Variants in EPHA8 observed in about 807,000 individuals in gnomAD.
EPHA8 encodes EPH receptor A8.
In EPHA8, 58 loss-of-function variants were observed where a neutral mutation model predicts 103.6. That is an observed-to-expected ratio of 0.56 (90% CI 0.45 to 0.70). The LOEUF (loss-of-function observed/expected upper bound fraction) is 0.70. EPHA8 is among the 30% of genes least tolerant of loss of function. The pLI is 0.00. For synonymous variants in EPHA8, 559 were observed against 572.5 expected (o/e 0.98, Z 0.34); for missense variants, 1,304 against 1,395.2 (o/e 0.93, Z 1.04).
At chr1:22,578,819 A>ATGTGCATGCCTGTGTGTATATGCATG in intron 3 of EPHA8, among the ~76,000 whole-genome samples, 1 of 147,412 alleles carries the variant, frequency 6.8e-6, no homozygotes, top group African/African-American at 2.5e-5. Context: ...GTATGTGTAC[A>ATGTGCATGCCTGTGTGTATATGCATG]TGTGCATGCC....
rs1640696122 is a variant in EPHA8, at chr1:22,576,387, C to T, written c.330C>T (p.Ser110=). 8 of 1,613,814 alleles carry T rather than the reference C, an allele frequency of 5.0e-6. No individual in the cohort carries two copies. The highest frequency in any genetic ancestry group is 5.1e-6 in the Non-Finnish European group (6 of 1,180,040). ...EIKFTLRDCN[S]MPGVLGTCKE... is the part of the protein sequence containing the mutation. ...AGTTTACCCTGCGCGACTGCAACAG[C>T]ATGCCTGGTGTGCTGGGCACCTGCA... is the stretch of plus-strand genomic sequence containing the variant. Residue 110 remains serine (S), a synonymous_variant, in exon 3 of 17, where the codon AGC becomes AGT. Transcript: ENST00000166244. This position sits in a 1 kb window ranked among gnomAD's most constrained non-coding sequence, Gnocchi z 4.8.
At chr1:22,581,848 G>C (rs1641055659) in intron 3 of EPHA8, among the ~76,000 whole-genome samples, 1 of 152,214 alleles carries the variant, frequency 6.6e-6, no homozygotes, top group African/African-American at 2.4e-5. Context: ...GGAACGGAAA[G>C]CCCGTTTTAA....
At chr1:22,588,193 T>C (rs1437103778) in intron 4 of EPHA8, among the ~76,000 whole-genome samples, 1 of 152,236 alleles carries the variant, frequency 6.6e-6, no homozygotes, top group Admixed American at 6.5e-5. Flanking sequence ...TTCTGAGAAC[T>C]GGAATTCTGA....
Position 22,576,631 on chromosome 1 carries a change from C to T in EPHA8, c.574C>T (p.Leu192=). ...GGCCTTCCAGGACATAGGTGCCTGC[C>T]TGGCCATCCTCTCTCTCCGCATCTA... The part of the protein sequence containing the change: ...YLAFQDIGAC[L]AILSLRIYYK... The change falls in exon 3 of 17, where the codon CTG becomes TTG. Residue 192 remains leucine (L), a synonymous_variant. Transcript: ENST00000166244. This position sits in a 1 kb window ranked among gnomAD's most constrained non-coding sequence, Gnocchi z 4.8. The T allele has an allele frequency of 6.2e-7, 1 of 1,613,886 alleles. No individual in the cohort carries two copies. Among genetic ancestry groups the T allele is most frequent in the East Asian group, 2.2e-5 (1 of 44,880 alleles).
Position 22,599,016 on chromosome 1 carries a change from A to G in EPHA8, c.2357A>G (p.Glu786Gly). ...VSDFGLSRVLEDDPDAAYTTT... is the reference protein window; with the variant it reads ...VSDFGLSRVLGDDPDAAYTTT... ...GACTTCGGGCTCTCACGGGTGCTGG[A>G]GGACGACCCGGATGCTGCCTACACC... The change falls in exon 13 of 17, where the codon GAG becomes GGG. Residue 786 changes from glutamate (E) to glycine (G), a missense_variant. Physicochemically the swap from Glu to Gly is moderately conservative, Grantham distance 98. Transcript: ENST00000166244. The G allele has an allele frequency of 6.2e-7, 1 of 1,610,140 alleles. No individual in the cohort carries two copies. Among genetic ancestry groups the G allele is most frequent in the Non-Finnish European group, 8.5e-7 (1 of 1,178,870 alleles).
chr1:22,577,705 T>C (rs1245507969), intron 3 of EPHA8, among the ~76,000 whole-genome samples: 1 of 151,976 alleles, frequency 6.6e-6, no homozygotes, highest in Non-Finnish European at 1.5e-5. Context: ...TGCTGCTGGG[T>C]TCCTGTGTCG....
Position 22,593,254 on chromosome 1 carries a change from A to C in EPHA8, c.1316-72A>C, listed in dbSNP as rs1201549617. Reference sequence around the variant, plus strand: ...GCTGGAACCAGGATCCCCAGGTGGAACCTGGGAAGGGTTGGGAGAGAGGCC... The same window carrying C: ...GCTGGAACCAGGATCCCCAGGTGGACCCTGGGAAGGGTTGGGAGAGAGGCC... On this transcript the variant is annotated intron_variant, in intron 5 of 16. Transcript: ENST00000166244. The C allele has an allele frequency of 2.0e-6, 3 of 1,516,074 alleles. No individual in the cohort carries two copies. The African/African-American group carries it at 4.1e-5, about 21-fold the overall frequency. The allele number at this position is 1,516,074 out of a possible 1,614,324, so 93.9% of individuals were successfully genotyped here.
intron 3 of EPHA8, among the ~76,000 whole-genome samples, chr1:22,577,780 G>A (rs1187414067): frequency 6.7e-6 from 1 of 149,430 alleles, no homozygotes; most frequent in Non-Finnish European, 1.5e-5. Flanking sequence ...GTGTGTGTGT[G>A]CATGTGTGCG....
At chr1:22,578,995 G>A (rs552272036) in intron 3 of EPHA8, among the ~76,000 whole-genome samples, 2 of 144,626 alleles carry the variant, frequency 1.4e-5, no homozygotes, top group East Asian at 4.6e-4. Flanking sequence ...ATGTGTGCAT[G>A]TGTATATGCA....
intron 2 of EPHA8, among the ~76,000 whole-genome samples, chr1:22,574,264 C>G (rs999198193): frequency 2.6e-5 from 4 of 151,428 alleles, no homozygotes; most frequent in Non-Finnish European, 5.9e-5. Context: ...CAGGCGTGAG[C>G]CACCGCGCCC....
At chr1:22,573,225 G>A (rs921686105) in intron 2 of EPHA8, among the ~76,000 whole-genome samples, 7 of 152,138 alleles carry the variant, frequency 4.6e-5, no homozygotes, top group South Asian at 4.1e-4. Context: ...AAATCCTCCC[G>A]CATGGTCCCT....
At chr1:22,578,394 C>T (rs10917252) in intron 3 of EPHA8, among the ~76,000 whole-genome samples, 9 of 122,426 alleles carry the variant, frequency 7.4e-5, no homozygotes, top group African/African-American at 2.6e-4. Flanking sequence ...GTATGCATGT[C>T]TGCATGAGTG....
rs377429092 is a variant in EPHA8 at position 22,576,528 on chromosome 1, C to T, written c.471C>T (p.Ala157=). 38 of 1,613,998 alleles carry T rather than the reference C, an allele frequency of 2.4e-5. No individual in the cohort carries two copies. Among genetic ancestry groups the T allele is most frequent in the Non-Finnish European group, 3.1e-5 (36 of 1,180,044 alleles). ...TIAADESFTG[A]DLGVRRLKLN... ...CGGCCGACGAGAGCTTCACAGGTGC[C>T]GACCTTGGTGTGCGGCGTCTCAAGC... Residue 157 remains alanine, a synonymous_variant, in exon 3 of 17, where the codon GCC becomes GCT. Coordinates refer to ENST00000166244, the MANE Select transcript of EPHA8 (RefSeq NM_020526.5). The surrounding 1 kb of genome is among the most constrained non-coding windows in gnomAD (Gnocchi z 4.8).
chr1:22,591,734 C>G (rs1641377212), intron 5 of EPHA8, among the ~76,000 whole-genome samples: 1 of 152,162 alleles, frequency 6.6e-6, no homozygotes, highest in Non-Finnish European at 1.5e-5. Context: ...CTTGAACACA[C>G]TGGGTCTTTC....
intron 3 of EPHA8, among the ~76,000 whole-genome samples, chr1:22,578,108 A>G (rs1450226065): frequency 2.4e-5 from 1 of 41,028 alleles, no homozygotes; most frequent in Non-Finnish European, 5.5e-5. Context: ...CAGTGTATGC[A>G]TGTGTGCGTG....
chr1:22,564,273 G>C (rs924179722), intron 1 of EPHA8, among the ~76,000 whole-genome samples: 1 of 151,626 alleles, frequency 6.6e-6, no homozygotes, highest in Non-Finnish European at 1.5e-5. Context: ...TGGCTTTGAG[G>C]GGAGGCAGGA....
intron 2 of EPHA8, among the ~76,000 whole-genome samples, chr1:22,571,922 C>T (rs184041269): frequency 1.3e-5 from 2 of 152,018 alleles, no homozygotes; most frequent in East Asian, 1.9e-4. Flanking sequence ...TTGTGGTCCC[C>T]GCTACTCAGG....
chr1:22,589,183 T>C lies in EPHA8; in HGVS notation c.1292T>C (p.Val431Ala), dbSNP rs1458128053. ...CCCGAGCCCCGCCGGGCCGCTGTGG[T>C]CAACATCACCACGAACCAGGCAGGT... Reference protein sequence around the residue: ...LSPEPRRAAVVNITTNQAAPS... With the variant: ...LSPEPRRAAVANITTNQAAPS... The change falls in exon 5 of 17, where the codon GTC becomes GCC. Residue 431 changes from valine to alanine, a missense_variant. By Grantham distance (64) the Val-to-Ala change is moderately conservative. Transcript: ENST00000166244. The surrounding 1 kb of genome is among the most constrained non-coding windows in gnomAD (Gnocchi z 4.3). The C allele has an allele frequency of 6.2e-7, 1 of 1,613,764 alleles. No individual in the cohort carries two copies. The highest frequency in any genetic ancestry group is 8.5e-7 in the Non-Finnish European group (1 of 1,179,988).
In EPHA8 at chr1:22,597,889, C is replaced by G. The variant is rs532569725; in HGVS notation, c.2116+28C>G. On this transcript the variant is annotated intron_variant, in intron 11 of 16. Transcript: ENST00000166244. The surrounding 1 kb of genome is among the most constrained non-coding windows in gnomAD (Gnocchi z 4.6). ...AGGTGCCGGGCAAAGACAGCCTCCC[C>G]CTGCAGTGCCCCTCCTGCCTGGAGA... The G allele has an allele frequency of 6.3e-7, 1 of 1,591,604 alleles. No homozygotes were observed. The highest frequency in any genetic ancestry group is 1.1e-5 in the South Asian group (1 of 87,008).
Sources: gnomAD v4.1 joint callset for allele counts (sites outside exome capture counted in the v4.1 genomes callset) on GRCh38, gnomAD v4.1.1 for gene constraint, Gnocchi (gnomAD v3.1) non-coding constraint, MANE v1.5 for transcripts, NCBI Gene and HGNC (gene_info 2026-07-23, HGNC 2026-07-21) for gene names.